SGCZ: variants seen among roughly 807,000 people sequenced by gnomAD.
SGCZ encodes sarcoglycan zeta, also known as zeta-sarcoglycan.
Under a neutral mutation model 41.3 loss-of-function variants are expected in SGCZ, and 40 were observed. The ratio of observed to expected loss-of-function variants is 0.97; its 90% confidence interval spans 0.75 to 1.26. The LOEUF (loss-of-function observed/expected upper bound fraction) is 1.26, where lower values mean the gene tolerates loss of function less well. Among genes scored for constraint, SGCZ ranks in the 50% most tolerant of loss-of-function variants. The pLI is 0.00. For missense variants in SGCZ, 552 were observed against 369.8 expected (o/e 1.49, Z -4.04); for synonymous variants, 206 against 137.5 (o/e 1.50, Z -3.49).
chr8:15,128,361 A>G (rs1199774646), intron 1 of SGCZ, among the ~76,000 whole-genome samples: 1 of 152,218 alleles, frequency 6.6e-6, no homozygotes, highest in African/African-American at 2.4e-5. Context: ...TTTACCTCTG[A>G]GGAATGAAGT....
chr8:14,668,516 A>G (rs1405638113), intron 1 of SGCZ, among the ~76,000 whole-genome samples: 5 of 152,218 alleles, frequency 3.3e-5, no homozygotes, highest in Admixed American at 6.5e-5. Context: ...ACCAAGATTT[A>G]TAATCAGGAA....
intron 1 of SGCZ, among the ~76,000 whole-genome samples, chr8:14,960,931 G>GCACACACACA (rs56258079): frequency 6.9e-6 from 1 of 144,370 alleles, no homozygotes; most frequent in African/African-American, 2.6e-5. Flanking sequence ...CAAGGAAATG[G>GCACACACACA]CACACACACA....
rs183826642 is a variant in SGCZ at position 14,366,485 on chromosome 8, C to G, written c.235-42281G>C. On this transcript the variant is annotated intron_variant, in intron 2 of 7. Coordinates refer to ENST00000382080, the MANE Select transcript of SGCZ (RefSeq NM_139167.4). ...TTCTAAACACCTGTGGGTTACAATTCAAGAAAAAATTTGGTGGGGGGGACA... is the reference window on the plus strand; with the variant it reads ...TTCTAAACACCTGTGGGTTACAATTGAAGAAAAAATTTGGTGGGGGGGACA... Among the ~76,000 whole-genome samples, 462 of 152,176 alleles carry G rather than the reference C, an allele frequency of 3.0e-3. 2 individuals are homozygous for G. The highest frequency in any genetic ancestry group is 0.01 in the African/African-American group (428 of 41,522).
At chr8:14,239,018 G>GA (rs202102498) in intron 3 of SGCZ, among the ~76,000 whole-genome samples, 9 of 149,388 alleles carry the variant, frequency 6.0e-5, no homozygotes, top group Non-Finnish European at 1.0e-4. Flanking sequence ...AGATTTAAAA[G>GA]AAAAAAAAGT....
At chr8:14,683,781 C>T (rs1808520543) in intron 1 of SGCZ, among the ~76,000 whole-genome samples, 1 of 152,026 alleles carries the variant, frequency 6.6e-6, no homozygotes, top group Non-Finnish European at 1.5e-5. Context: ...TTGTACAGAA[C>T]CATAGCATTT....
chr8:14,925,554 T>C (rs561498481), intron 1 of SGCZ, among the ~76,000 whole-genome samples: 3 of 152,274 alleles, frequency 2.0e-5, no homozygotes, highest in East Asian at 1.9e-4. Context: ...TAGGCAGAAA[T>C]TCTGGAGACC....
chr8:14,248,509 T>C (rs556663258), intron 3 of SGCZ, among the ~76,000 whole-genome samples: 37 of 152,272 alleles, frequency 2.4e-4, no homozygotes, highest in African/African-American at 7.5e-4. Context: ...TTTTCTTTTA[T>C]CTTGGTGGGA....
chr8:15,195,496 T>C (rs559945156), intron 1 of SGCZ, among the ~76,000 whole-genome samples: 3 of 152,202 alleles, frequency 2.0e-5, no homozygotes, highest in African/African-American at 7.2e-5. Flanking sequence ...CTGAGCATCC[T>C]TTTGTCTCCT....
chr8:14,208,823 T>C (rs1486935992), intron 4 of SGCZ, among the ~76,000 whole-genome samples: 1 of 152,310 alleles, frequency 6.6e-6, no homozygotes, highest in Non-Finnish European at 1.5e-5. Context: ...CATAGCATTA[T>C]TACTTATGCT....
intron 1 of SGCZ, among the ~76,000 whole-genome samples, chr8:15,234,749 C>G (rs997845324): frequency 6.6e-6 from 1 of 151,934 alleles, no homozygotes; most frequent in Non-Finnish European, 1.5e-5. Context: ...GTTTGCACAC[C>G]CAGCACAGCA....
chr8:14,432,745 T>C (rs907662819), intron 2 of SGCZ, among the ~76,000 whole-genome samples: 1 of 151,618 alleles, frequency 6.6e-6, no homozygotes, highest in Non-Finnish European at 1.5e-5. Context: ...GAAACTCTAT[T>C]TCTGCTAAAA....
In SGCZ at chr8:14,525,102, T is replaced by C. The variant is rs531681903; in HGVS notation, c.234+29630A>G. 2.3e-4 allele frequency among the ~76,000 whole-genome samples: 29 copies of C among 125,984 alleles called. 1 individual carries two copies. The highest frequency in any genetic ancestry group is 6.6e-4 in the African/African-American group (24 of 36,604). The allele number at this position is 125,984 out of a possible 152,430, so 82.7% of individuals were successfully genotyped here. A position where few individuals can be genotyped will look rare whatever the true frequency, so the allele number is the denominator to read the frequency against. On this transcript the variant is annotated intron_variant, in intron 2 of 7. Transcript: ENST00000382080. ...ATAGACACATAGATAGATAGACACA[T>C]AGACAGATGATAGATAGATAGATAC...
chr8:15,049,520 T>C (rs928061666), intron 1 of SGCZ, among the ~76,000 whole-genome samples: 1 of 152,086 alleles, frequency 6.6e-6, no homozygotes, highest in Non-Finnish European at 1.5e-5. Flanking sequence ...TTTTAAAAGA[T>C]TGCTCTGACT....
chr8:15,118,836 T>A (rs1009502608), intron 1 of SGCZ, among the ~76,000 whole-genome samples: 2 of 152,170 alleles, frequency 1.3e-5, no homozygotes, highest in African/African-American at 4.8e-5. Flanking sequence ...GTTATAAATA[T>A]ATGCCTTTAA....
chr8:14,108,426 C>G (rs1054323783), intron 5 of SGCZ, among the ~76,000 whole-genome samples, 191 bp from the exon 6 acceptor site: 1 of 152,170 alleles, frequency 6.6e-6, no homozygotes, highest in South Asian at 2.1e-4. Context: ...TTTAATTGCA[C>G]TTACAGTTCC....
intron 1 of SGCZ, among the ~76,000 whole-genome samples, chr8:14,839,525 G>A (rs186411749): frequency 1.3e-5 from 2 of 152,238 alleles, no homozygotes; most frequent in Admixed American, 1.3e-4. Flanking sequence ...TATAACCAAA[G>A]CACTAACATT....
chr8:14,869,627 T>C (rs994963029), intron 1 of SGCZ, among the ~76,000 whole-genome samples: 2 of 152,302 alleles, frequency 1.3e-5, no homozygotes, highest in Non-Finnish European at 2.9e-5. Context: ...TGTATTCAAA[T>C]AGGAAGAGAG....
intron 4 of SGCZ, among the ~76,000 whole-genome samples, chr8:14,229,775 G>A (rs9657231): frequency 1.3e-5 from 2 of 151,858 alleles, no homozygotes; most frequent in Non-Finnish European, 2.9e-5. Context: ...GGTGTTCACT[G>A]TAATTGCTTT....
At chr8:14,207,144 G>T (rs1195820958) in intron 4 of SGCZ, among the ~76,000 whole-genome samples, 1 of 12,426 alleles carries the variant, frequency 8.0e-5, no homozygotes, top group Non-Finnish European at 1.2e-4. Flanking sequence ...AGAGGGTGAT[G>T]GTGGCTATTC....
Sources: allele counts gnomAD v4.1 joint callset (sites outside exome capture counted in the v4.1 genomes callset), GRCh38; gene constraint gnomAD v4.1.1; transcripts MANE v1.5; gene names NCBI Gene and HGNC (gene_info 2026-07-23, HGNC 2026-07-21).